IGF2BP3: variants seen among roughly 807,000 people sequenced by gnomAD.
IGF2BP3 encodes insulin-like growth factor 2 mRNA-binding protein 3.
Under a neutral mutation model 73.8 loss-of-function variants are expected in IGF2BP3, and 9 were observed. The ratio of observed to expected loss-of-function variants is 0.12; its 90% CI spans 0.07 to 0.21. The LOEUF is 0.21. Ranked by LOEUF, IGF2BP3 falls within the 10% of genes least tolerant of loss-of-function variation. The pLI is 1.00. For missense variants in IGF2BP3, 542 were observed against 714.0 expected (o/e 0.76, Z 2.75); for synonymous variants, 258 against 256.7 (o/e 1.01, Z -0.05).
At chr7:23,401,828 G>A (rs529421861) in intron 3 of IGF2BP3, among the ~76,000 whole-genome samples, 2 of 152,012 alleles carry the variant, frequency 1.3e-5, no homozygotes, top group Non-Finnish European at 2.9e-5. Context: ...GGCCGGGCAC[G>A]GTGGCTGAAA....
At chr7:23,393,988 T>C (rs1786368721) in intron 3 of IGF2BP3, among the ~76,000 whole-genome samples, 1 of 152,170 alleles carries the variant, frequency 6.6e-6, no homozygotes, top group African/African-American at 2.4e-5. Flanking sequence ...CTTTCAAGAC[T>C]TTCTGATAAG....
intron 2 of IGF2BP3, among the ~76,000 whole-genome samples, chr7:23,456,942 G>A (rs369606425): frequency 6.6e-6 from 1 of 152,004 alleles, no homozygotes; most frequent in African/African-American, 2.4e-5. Flanking sequence ...GCAGCTACTC[G>A]GGAGGCTGAG....
intron 2 of IGF2BP3, among the ~76,000 whole-genome samples, chr7:23,423,947 G>A (rs894045149): frequency 2.6e-5 from 4 of 151,642 alleles, no homozygotes; most frequent in Non-Finnish European, 2.9e-5. Context: ...GTGAAACCTC[G>A]TCTCTACTAA....
At chr7:23,391,331 T>C (rs972937600) in intron 3 of IGF2BP3, among the ~76,000 whole-genome samples, 1 of 150,534 alleles carries the variant, frequency 6.6e-6, no homozygotes. Context: ...AATTCCCGAC[T>C]TCAAATGATC....
intron 10 of IGF2BP3, among the ~76,000 whole-genome samples, chr7:23,326,203 C>G (rs1451116329): frequency 1.3e-5 from 2 of 152,136 alleles, no homozygotes; most frequent in Non-Finnish European, 2.9e-5. Context: ...CTACAATGAA[C>G]TCAAACAAAT....
chr7:23,315,731 T>A (rs1328826542), intron 12 of IGF2BP3, among the ~76,000 whole-genome samples: 1 of 152,202 alleles, frequency 6.6e-6, no homozygotes, highest in Non-Finnish European at 1.5e-5. Flanking sequence ...ACACTAGGGA[T>A]ATACACTATC....
At chr7:23,351,804 G>A (rs1380435841) in intron 5 of IGF2BP3, among the ~76,000 whole-genome samples, 4 of 152,024 alleles carry the variant, frequency 2.6e-5, no homozygotes, top group Admixed American at 2.6e-4. Flanking sequence ...CAGGCACAGT[G>A]GGGAAAAAGA....
chr7:23,399,328 G>A (rs1354860898), intron 3 of IGF2BP3, among the ~76,000 whole-genome samples: 1 of 151,294 alleles, frequency 6.6e-6, no homozygotes, highest in Non-Finnish European at 1.5e-5. Flanking sequence ...CACCAACATG[G>A]CACATGTATA....
chr7:23,436,036 C>T (rs945365739), intron 2 of IGF2BP3, among the ~76,000 whole-genome samples: 1 of 152,212 alleles, frequency 6.6e-6, no homozygotes, highest in African/African-American at 2.4e-5. Flanking sequence ...GGAGAACAGG[C>T]ATGAGCCACA....
At chr7:23,413,944 A>T (rs940738923) in intron 3 of IGF2BP3, 3 of 152,254 alleles carry the variant, frequency 2.0e-5, no homozygotes, top group Non-Finnish European at 4.4e-5. Flanking sequence ...CAAGGTCAAG[A>T]GATTGAAACC....
In IGF2BP3 at chr7:23,331,241, A is replaced by G. The variant is rs572496938; in HGVS notation, c.1203+10823T>C. Among the ~76,000 whole-genome samples, 3 of 152,340 alleles carry G rather than the reference A, an allele frequency of 2.0e-5. 1 individual carries two copies. Among genetic ancestry groups the G allele is most frequent in the South Asian group, 4.1e-4 (2 of 4,830 alleles). ...GATTTGGAACTGTCTGTCAATTTTA[A>G]AAGTTTGTGCTCTTTGACTTAGAAG... On this transcript the variant is annotated intron_variant, in intron 10 of 14. Transcript: ENST00000258729.
In IGF2BP3 at chr7:23,342,154, G is replaced by A. The variant is rs777472952; in HGVS notation, c.1113C>T (p.Asn371=). The A allele has an allele frequency of 3.3e-5, 54 of 1,613,634 alleles. No homozygotes were observed. Among genetic ancestry groups the A allele is most frequent in the African/African-American group, 9.3e-5 (7 of 74,870 alleles). Residue 371 remains asparagine, a synonymous_variant, in exon 10 of 15, where the codon AAC becomes AAT. Coordinates refer to ENST00000258729, the MANE Select transcript of IGF2BP3 (RefSeq NM_006547.3). ...QAHLIPGLNL[N]ALGLFPPTSG... is the part of the protein sequence containing the mutation. Reference sequence around the variant, plus strand: ...AAGTGGGTGGGAACAGACCCAAGGCGTTCAGATTTAATCCAGGAATTAAAT... The same window carrying A: ...AAGTGGGTGGGAACAGACCCAAGGCATTCAGATTTAATCCAGGAATTAAAT...
intron 3 of IGF2BP3, among the ~76,000 whole-genome samples, chr7:23,367,627 T>C (rs1021004123): frequency 2.6e-5 from 4 of 152,218 alleles, no homozygotes; most frequent in Admixed American, 1.3e-4. Context: ...TAAAGCCTCA[T>C]AGAAAATGTC....
chr7:23,379,611 G>A (rs1785841682), intron 3 of IGF2BP3, among the ~76,000 whole-genome samples: 1 of 152,132 alleles, frequency 6.6e-6, no homozygotes, highest in South Asian at 2.1e-4. Flanking sequence ...AATCTTTTAG[G>A]AAATCAATTC....
chr7:23,352,969 T>C (rs561864228), intron 5 of IGF2BP3, among the ~76,000 whole-genome samples: 1 of 152,206 alleles, frequency 6.6e-6, no homozygotes, highest in South Asian at 2.1e-4. Context: ...GTGTGTGTTA[T>C]GTTTTCAGAA....
chr7:23,403,047 C>A (rs368211135), intron 3 of IGF2BP3, among the ~76,000 whole-genome samples: 2 of 152,160 alleles, frequency 1.3e-5, no homozygotes, highest in Admixed American at 1.3e-4. Context: ...TCCTGCACAG[C>A]CTTTGAAGGT....
chr7:23,361,108 A>T lies in IGF2BP3; in HGVS notation c.401+426T>A, dbSNP rs1458757291. ...TCCTAAATGACAATGGTAATCAGGTAACCAGTGAGTAAGAAGACTTATCAT... is the reference window on the plus strand; with the variant it reads ...TCCTAAATGACAATGGTAATCAGGTTACCAGTGAGTAAGAAGACTTATCAT... On this transcript the variant is annotated intron_variant, in intron 5 of 14. Coordinates refer to ENST00000258729, the MANE Select transcript of IGF2BP3 (RefSeq NM_006547.3). 2.6e-5 allele frequency among the ~76,000 whole-genome samples: 4 copies of T among 152,358 alleles called. No individual in the cohort carries two copies. The South Asian group carries it at 8.3e-4, about 32-fold the overall frequency.
chr7:23,322,905 A>C lies in IGF2BP3; in HGVS notation c.1204-3651T>G, dbSNP rs942634906. Among the ~76,000 whole-genome samples, 32 of 152,350 alleles carry C rather than the reference A, an allele frequency of 2.1e-4. 1 individual carries two copies. The highest frequency in any genetic ancestry group is 7.0e-4 in the African/African-American group (29 of 41,568). ...TTGTCACCACCAGGCCTGCCCTAAA[A>C]GAGCTCCTGAAGGAAGCGCTAAACA... is the stretch of plus-strand genomic sequence containing the variant. On this transcript the variant is annotated intron_variant, in intron 10 of 14. Coordinates refer to ENST00000258729, the MANE Select transcript of IGF2BP3 (RefSeq NM_006547.3).
rs774165476 is a variant in IGF2BP3, at chr7:23,361,721, G to T, written c.306C>A (p.Val102=). ...LQWEVLDSLL[V]QYGVVESCEQ... is the part of the protein sequence containing the mutation. The stretch of plus-strand genomic sequence containing the variant: ...CACAGCTCTCCACCACTCCATACTG[G>T]ACTAGTAAACTATCCAGCACCTATC... Residue 102 remains valine (V), a synonymous_variant, in exon 4 of 15, where the codon GTC becomes GTA. Coordinates refer to ENST00000258729, the MANE Select transcript of IGF2BP3 (RefSeq NM_006547.3). 3 of 1,613,710 alleles carry T rather than the reference G, an allele frequency of 1.9e-6. No individual in the cohort carries two copies. Among genetic ancestry groups the T allele is most frequent in the African/African-American group, 1.3e-5 (1 of 74,990 alleles).
Sources: allele counts gnomAD v4.1 joint callset (sites outside exome capture counted in the v4.1 genomes callset), GRCh38; gene constraint gnomAD v4.1.1; transcripts MANE v1.5; gene names NCBI Gene and HGNC (gene_info 2026-07-23, HGNC 2026-07-21).